Variants in ELMO1 observed in about 807,000 individuals in gnomAD.
The protein encoded by ELMO1 is engulfment and cell motility 1.
ELMO1 carries 26 observed loss-of-function variants against 98.9 expected under a neutral mutation model. The observed-to-expected ratio is 0.26, with a 90% CI of 0.19 to 0.36. ELMO1 has a LOEUF of 0.36. ELMO1 is among the 10% of genes least tolerant of loss of function. The probability of loss-of-function intolerance (pLI) is 1.00; values close to 1 mark genes in which losing one functional copy is unlikely to be tolerated. For missense variants in ELMO1, 627 were observed against 935.2 expected (o/e 0.67, Z 4.30); for synonymous variants, 346 against 346.0 (o/e 1.00, Z 0.00).
At chr7:37,412,227 C>T (rs1804020435) in intron 1 of ELMO1, among the ~76,000 whole-genome samples, 1 of 152,150 alleles carries the variant, frequency 6.6e-6, no homozygotes, top group African/African-American at 2.4e-5. Flanking sequence ...AGAAAAAAAT[C>T]ACAGGAAGGA....
intron 16 of ELMO1, among the ~76,000 whole-genome samples, chr7:36,953,035 G>A (rs1033992477): frequency 2.8e-5 from 4 of 144,082 alleles, no homozygotes; most frequent in South Asian, 4.4e-4. Flanking sequence ...ACAGTGGCGC[G>A]ATCTCGGCTC....
chr7:36,953,726 G>C (rs1446720195), intron 16 of ELMO1, among the ~76,000 whole-genome samples: 1 of 152,074 alleles, frequency 6.6e-6, no homozygotes. Context: ...CATATAAAAT[G>C]AATCCATTGA....
intron 16 of ELMO1, among the ~76,000 whole-genome samples, chr7:36,996,416 A>C (rs974164726): frequency 2.7e-5 from 4 of 147,802 alleles, no homozygotes; most frequent in African/African-American, 1.0e-4. Context: ...TGTTAAGCTC[A>C]TATATATTTC....
intron 1 of ELMO1, among the ~76,000 whole-genome samples, chr7:37,439,343 T>A (rs956879519): frequency 1.3e-5 from 2 of 152,244 alleles, no homozygotes; most frequent in Admixed American, 1.3e-4. Flanking sequence ...TGTATCATAT[T>A]CTTTCTCTTA....
chr7:37,376,503 G>C (rs972434887), intron 1 of ELMO1, among the ~76,000 whole-genome samples: 1 of 152,188 alleles, frequency 6.6e-6, no homozygotes, highest in African/African-American at 2.4e-5. Context: ...ATACGTTTCA[G>C]ATTTTTTGCA....
intron 6 of ELMO1, among the ~76,000 whole-genome samples, chr7:37,247,596 A>G (rs981149735): frequency 6.6e-6 from 1 of 152,238 alleles, no homozygotes; most frequent in Non-Finnish European, 1.5e-5. Context: ...ATTACCTTTA[A>G]CAAATTACCC....
intron 16 of ELMO1, among the ~76,000 whole-genome samples, chr7:36,947,487 G>A (rs1022131139): frequency 7.2e-5 from 11 of 152,118 alleles, no homozygotes; most frequent in Admixed American, 3.9e-4. Context: ...TCTTAAACAC[G>A]TACTGACCAC....
chr7:37,238,699 T>C (rs1346680212), intron 7 of ELMO1, among the ~76,000 whole-genome samples: 1 of 152,204 alleles, frequency 6.6e-6, no homozygotes, highest in Non-Finnish European at 1.5e-5. Context: ...GATTACTTTA[T>C]CAAGATGAGG....
chr7:37,273,377 G>A (rs1371591775), intron 4 of ELMO1, among the ~76,000 whole-genome samples: 1 of 152,098 alleles, frequency 6.6e-6, no homozygotes, highest in Non-Finnish European at 1.5e-5. Flanking sequence ...GGTTTTATAA[G>A]GGGCTCTTTC....
At chr7:37,161,873 C>T (rs1182184150) in intron 13 of ELMO1, among the ~76,000 whole-genome samples, 1 of 112,970 alleles carries the variant, frequency 8.9e-6, no homozygotes, top group Non-Finnish European at 1.8e-5. Context: ...AAGGCTTCCA[C>T]TAAGGCATTA....
At chr7:37,265,065 A>T (rs1796168344) in intron 5 of ELMO1, among the ~76,000 whole-genome samples, 1 of 152,066 alleles carries the variant, frequency 6.6e-6, no homozygotes, top group Admixed American at 6.6e-5. Flanking sequence ...AACCCCCTCT[A>T]TGCCTTTCTG....
chr7:37,367,625 T>C (rs561908760), intron 1 of ELMO1, among the ~76,000 whole-genome samples: 3 of 152,140 alleles, frequency 2.0e-5, no homozygotes, highest in African/African-American at 7.2e-5. Context: ...GAAGAAAGAA[T>C]AGGTTAATTA....
intron 13 of ELMO1, among the ~76,000 whole-genome samples, chr7:37,179,674 C>G (rs1790722785): frequency 6.6e-6 from 1 of 151,872 alleles, no homozygotes; most frequent in Admixed American, 6.6e-5. Flanking sequence ...GGAACAAAGA[C>G]TTGGGCAAGG....
At chr7:37,352,806 G>A (rs914806561) in intron 1 of ELMO1, among the ~76,000 whole-genome samples, 17 of 152,144 alleles carry the variant, frequency 1.1e-4, no homozygotes, top group African/African-American at 4.1e-4. Context: ...GCAAAGCAAC[G>A]GAAGATAAAA....
intron 4 of ELMO1, among the ~76,000 whole-genome samples, chr7:37,293,575 A>C (rs894529672): frequency 8.9e-6 from 1 of 112,738 alleles, no homozygotes; most frequent in African/African-American, 2.9e-5. Context: ...AGGGACACAA[A>C]CACTGCGGAA....
chr7:36,948,994 T>G (rs917586868), intron 16 of ELMO1, among the ~76,000 whole-genome samples: 2 of 152,162 alleles, frequency 1.3e-5, no homozygotes, highest in African/African-American at 4.8e-5. Flanking sequence ...TAGCTGGGAT[T>G]ATAGGTGCCT....
Position 36,861,810 on chromosome 7 carries a change from C to T in ELMO1, c.1906-74G>A. On this transcript the variant is annotated intron_variant, in intron 20 of 21. Coordinates refer to ENST00000310758, the MANE Select transcript of ELMO1 (RefSeq NM_014800.11). ...CATTTTGCAGTTGCAAATGGCTGCA[C>T]ATTGACCATGGCATAGGGCCAGCTT... The T allele has an allele frequency of 5.6e-6, 8 of 1,434,598 alleles. No homozygotes were observed. The Admixed American group carries it at 1.3e-4, about 24-fold the overall frequency. The allele number at this position is 1,434,598 out of a possible 1,614,324, so 88.9% of individuals were successfully genotyped here.
At chr7:37,251,137 A>C (rs1246612255) in intron 6 of ELMO1, among the ~76,000 whole-genome samples, 1 of 152,144 alleles carries the variant, frequency 6.6e-6, no homozygotes, top group African/African-American at 2.4e-5. Flanking sequence ...ATGACATTGG[A>C]CTTAAGAGTT....
intron 4 of ELMO1, among the ~76,000 whole-genome samples, chr7:37,279,696 C>A (rs1306279139): frequency 6.6e-6 from 1 of 152,160 alleles, no homozygotes; most frequent in Admixed American, 6.5e-5. Flanking sequence ...CGCTGCGTCC[C>A]CTAGCAGGCC....
Sources: allele counts gnomAD v4.1 joint callset (sites outside exome capture counted in the v4.1 genomes callset), GRCh38; gene constraint gnomAD v4.1.1; transcripts MANE v1.5; gene names NCBI Gene and HGNC (gene_info 2026-07-23, HGNC 2026-07-21).